Variants in GPC5 observed in about 807,000 individuals in gnomAD.
GPC5 encodes glypican-5.
A neutral mutation model predicts 53.9 loss-of-function variants in GPC5; 47 were observed. The ratio of observed to expected loss-of-function variants is 0.87; its 90% confidence interval spans 0.69 to 1.11. The LOEUF (loss-of-function observed/expected upper bound fraction) is 1.11, where lower values mean the gene tolerates loss of function less well. Ranked by LOEUF, GPC5 falls within the 50% of genes most tolerant of loss-of-function variation. GPC5 has a pLI of 0.00. For synonymous variants in GPC5, 286 were observed against 263.3 expected, an observed-to-expected ratio of 1.09 and a Z score of -0.84; for missense variants, 748 against 713.1, an observed-to-expected ratio of 1.05 and a Z score of -0.56.
chr13:92,713,143 A>G (rs941543842), intron 7 of GPC5, among the ~76,000 whole-genome samples: 1 of 152,212 alleles, frequency 6.6e-6, no homozygotes, highest in Non-Finnish European at 1.5e-5. Context: ...ATGTGAAGAA[A>G]AAGGGAGAAG....
intron 1 of GPC5, among the ~76,000 whole-genome samples, chr13:91,403,827 G>T (rs950828961): frequency 2.0e-5 from 3 of 152,108 alleles, no homozygotes; most frequent in Non-Finnish European, 4.4e-5. Context: ...GAATCCAATG[G>T]CTCATCAGGT....
intron 2 of GPC5, among the ~76,000 whole-genome samples, chr13:91,663,877 A>G (rs967358267): frequency 2.6e-5 from 4 of 152,224 alleles, no homozygotes; most frequent in Middle Eastern, 3.4e-3. Flanking sequence ...GGGTCTTGCA[A>G]TGTTTCCCAG....
At chr13:92,254,278 A>T (rs2042711882) in intron 7 of GPC5, among the ~76,000 whole-genome samples, 1 of 152,176 alleles carries the variant, frequency 6.6e-6, no homozygotes. Context: ...GGTGGCACTG[A>T]CATTTAAATA....
intron 6 of GPC5, among the ~76,000 whole-genome samples, chr13:91,925,205 T>G (rs1054924672): frequency 6.6e-6 from 1 of 152,190 alleles, no homozygotes; most frequent in Non-Finnish European, 1.5e-5. Flanking sequence ...GAAATGTCTT[T>G]AACCAGTATC....
intron 5 of GPC5, among the ~76,000 whole-genome samples, chr13:91,882,282 G>A (rs1412553982): frequency 6.6e-6 from 1 of 151,686 alleles, no homozygotes; most frequent in Non-Finnish European, 1.5e-5. Flanking sequence ...TTCAATGGAA[G>A]CTTGAAAAAA....
intron 7 of GPC5, among the ~76,000 whole-genome samples, chr13:92,292,650 G>A (rs9523608): frequency 0.086 from 13,023 of 152,006 alleles, 619 homozygotes; most frequent in Middle Eastern, 0.12. Context: ...TTCTTTTGCC[G>A]CGCAAAAGCT....
At chr13:91,715,682 A>G (rs9560841) in intron 3 of GPC5, among the ~76,000 whole-genome samples, 11,053 of 151,884 alleles carry the variant, frequency 0.073, 487 homozygotes, top group East Asian at 0.24. Flanking sequence ...GTGGTATTTT[A>G]ATTTAAATAC....
intron 5 of GPC5, among the ~76,000 whole-genome samples, chr13:91,811,781 A>G (rs2038315643): frequency 1.3e-5 from 2 of 152,234 alleles, no homozygotes; most frequent in Non-Finnish European, 2.9e-5. Context: ...ACTGTGTTAA[A>G]TAATCATAAT....
At chr13:91,614,727 C>T (rs1429383663) in intron 2 of GPC5, among the ~76,000 whole-genome samples, 1 of 152,092 alleles carries the variant, frequency 6.6e-6, no homozygotes, top group Admixed American at 6.6e-5. Context: ...TATAAAACTT[C>T]TCTGTGGGAT....
intron 3 of GPC5, among the ~76,000 whole-genome samples, chr13:91,726,785 C>T (rs1440165964): frequency 6.6e-6 from 1 of 152,172 alleles, no homozygotes; most frequent in Non-Finnish European, 1.5e-5. Context: ...TTTCCATGGG[C>T]CTGCTGAAGG....
intron 6 of GPC5, among the ~76,000 whole-genome samples, chr13:91,987,294 A>G (rs1421971314): frequency 1.3e-5 from 2 of 152,140 alleles, no homozygotes; most frequent in Non-Finnish European, 2.9e-5. Context: ...CTCTCCTACT[A>G]TTTACAAACA....
At chr13:92,348,411 T>C (rs961053127) in intron 7 of GPC5, among the ~76,000 whole-genome samples, 5 of 152,088 alleles carry the variant, frequency 3.3e-5, no homozygotes, top group African/African-American at 1.2e-4. Flanking sequence ...TACTCAACAT[T>C]GGAGCACCTA....
intron 2 of GPC5, among the ~76,000 whole-genome samples, chr13:91,499,157 T>G (rs980328054): frequency 6.6e-6 from 1 of 152,072 alleles, no homozygotes; most frequent in African/African-American, 2.4e-5. Context: ...GAAGAACAAG[T>G]CAAAGGTGGC....
chr13:91,464,204 G>A (rs761602127), intron 2 of GPC5, among the ~76,000 whole-genome samples: 1 of 152,020 alleles, frequency 6.6e-6, no homozygotes, highest in Non-Finnish European at 1.5e-5. Flanking sequence ...ATCAAGTATG[G>A]TGAAAATGAA....
chr13:92,001,328 A>G (rs1242022341), intron 6 of GPC5, among the ~76,000 whole-genome samples: 2 of 152,160 alleles, frequency 1.3e-5, no homozygotes, highest in Non-Finnish European at 2.9e-5. Flanking sequence ...AAATTTTATT[A>G]TGTTTTTTGG....
At chr13:92,294,826 C>CTTTTTTTTTTTTTTTTTTTTT (rs147963724) in intron 7 of GPC5, among the ~76,000 whole-genome samples, 7 of 99,000 alleles carry the variant, frequency 7.1e-5, no homozygotes, top group Admixed American at 1.2e-4. Context: ...TTTTTTTTTT[C>CTTTTTTTTTTTTTTTTTTTTT]TTTTTTTTTT....
chr13:92,822,244 A>G (rs1315438726), intron 7 of GPC5, among the ~76,000 whole-genome samples: 1 of 152,056 alleles, frequency 6.6e-6, no homozygotes. Flanking sequence ...TATTTTTTTC[A>G]AAGTAAAATT....
chr13:92,615,046 C>A (rs1054696444), intron 7 of GPC5, among the ~76,000 whole-genome samples: 1 of 152,076 alleles, frequency 6.6e-6, no homozygotes, highest in African/African-American at 2.4e-5. Flanking sequence ...TTAAAAGGGT[C>A]GTATAATTAA....
At chr13:91,564,066 G>A (rs2138938557) in intron 2 of GPC5, among the ~76,000 whole-genome samples, 1 of 152,188 alleles carries the variant, frequency 6.6e-6, no homozygotes, top group South Asian at 2.1e-4. Flanking sequence ...CTAGGAATCT[G>A]GACAAAGTTC....
Sources: gnomAD v4.1 joint callset for allele counts (sites outside exome capture counted in the v4.1 genomes callset) on GRCh38, gnomAD v4.1.1 for gene constraint, MANE v1.5 for transcripts, NCBI Gene and HGNC (gene_info 2026-07-23, HGNC 2026-07-21) for gene names.